The following C17orf78 variants were observed in gnomAD, a reference collection of about 807,000 sequenced individuals.
The protein encoded by C17orf78 is chromosome 17 open reading frame 78.
In C17orf78, 27 loss-of-function variants were observed where a neutral mutation model predicts 31.8. The ratio of observed to expected loss-of-function variants is 0.85; its 90% CI spans 0.63 to 1.17. The LOEUF (loss-of-function observed/expected upper bound fraction) is 1.17. Among genes scored for constraint, C17orf78 ranks in the 50% most tolerant of loss-of-function variants. C17orf78 has a pLI of 0.00. For missense variants in C17orf78, 258 were observed against 315.2 expected, an observed-to-expected ratio of 0.82 and a Z score of 1.37; for synonymous variants, 106 against 115.1, an observed-to-expected ratio of 0.92 and a Z score of 0.51.
At chr17:37,389,183 T>C (rs1402835998) in intron 5 of C17orf78, 63 bp from the exon 6 acceptor site, 4 of 1,530,168 alleles carry the variant, frequency 2.6e-6, no homozygotes, top group Admixed American at 4.2e-5. Flanking sequence ...AACAAGAGGT[T>C]TGGAAGAAAA....
chr17:37,390,330 A>ATATATATATCTATATCTATATATC (rs1386032855), intron 6 of C17orf78, among the ~76,000 whole-genome samples: 4 of 41,584 alleles, frequency 9.6e-5, no homozygotes, highest in African/African-American at 5.1e-4. Flanking sequence ...ATATATATAT[A>ATATATATATCTATATCTATATATC]TATAAAAGGC....
At position 37,379,337 on chromosome 17, in the gene C17orf78, AT is replaced by A. The variant is rs771193079; in HGVS notation, c.347del (p.Ile116ThrfsTer12). ...NSSASSSCHLIPTSKFQTGSL... is the reference protein window; with the variant it reads ...NSSASSSCHLXPTSKFQTGSL... ...CTCTGCCTCCTCAAGCTGTCACCTA[AT>A]CCCCACATCCAAGTTTCAGACTGGA... On this transcript the variant is annotated frameshift_variant, in exon 3 of 7. Coordinates refer to ENST00000615133, the MANE Select transcript of C17orf78 (RefSeq NM_173625.5). LOFTEE classifies it high-confidence loss of function. The A allele has an allele frequency of 4.1e-5, 66 of 1,613,814 alleles. No individual in the cohort carries two copies. The highest frequency in any genetic ancestry group is 5.6e-5 in the Non-Finnish European group (66 of 1,179,874).
intron 3 of C17orf78, among the ~76,000 whole-genome samples, chr17:37,382,773 T>C (rs903191402): frequency 5.3e-5 from 8 of 152,076 alleles, no homozygotes; most frequent in Admixed American, 5.2e-4. Context: ...GACAGAAGAA[T>C]AGCTTGAACC....
chr17:37,377,059 C>T (rs927899559), intron 1 of C17orf78, among the ~76,000 whole-genome samples: 18 of 152,282 alleles, frequency 1.2e-4, no homozygotes, highest in African/African-American at 4.1e-4. Flanking sequence ...AAAAATGTCA[C>T]AACCCTTTGA....
At chr17:37,390,175 T>TATATATATATATATATAC (rs60788220) in intron 6 of C17orf78, among the ~76,000 whole-genome samples, 1 of 44,506 alleles carries the variant, frequency 2.2e-5, no homozygotes, top group African/African-American at 1.2e-4. Flanking sequence ...TATATATATA[T>TATATATATATATATATAC]ACACACACAC....
intron 6 of C17orf78, among the ~76,000 whole-genome samples, chr17:37,390,330 A>ATACATATATATATATATATATC (rs2050815584): frequency 2.4e-5 from 1 of 41,592 alleles, no homozygotes; most frequent in Non-Finnish European, 3.7e-5. Flanking sequence ...ATATATATAT[A>ATACATATATATATATATATATC]TATAAAAGGC....
chr17:37,389,747 G>T lies in C17orf78; in HGVS notation c.750+385G>T, dbSNP rs948488189. Among the ~76,000 whole-genome samples the T allele has an allele frequency of 4.6e-5, 7 of 151,836 alleles. No individual in the cohort carries two copies. The East Asian group carries it at 1.4e-3, about 29-fold the overall frequency. On this transcript the variant is annotated intron_variant, in intron 6 of 6. Transcript: ENST00000615133. ...TGGGGTTAATATATAAGTGCTAGGA[G>T]ATTCGTCCCTAAGAGGACTGTGAAA... is the stretch of plus-strand genomic sequence containing the variant.
intron 4 of C17orf78, 45 bp from the exon 5 acceptor site, chr17:37,388,625 C>T: frequency 6.3e-7 from 1 of 1,584,926 alleles, no homozygotes; most frequent in Non-Finnish European, 8.6e-7. Context: ...TCTTTCCTCT[C>T]TCAAATTTTC....
chr17:37,376,814 G>C (rs906336794), intron 1 of C17orf78, among the ~76,000 whole-genome samples: 6 of 152,052 alleles, frequency 3.9e-5, no homozygotes, highest in Admixed American at 2.6e-4. Context: ...AATTAGCCAG[G>C]CATGGTGGCA....
rs200931323 is a variant in C17orf78 at position 37,384,440 on chromosome 17, TATC to T, written c.392-1566_392-1564del. Reference sequence around the variant, plus strand: ...CTTTTTCCCCCTCTTTCAATCATAATATCATTCAGTTTGCAAAGTGTTTACACA... The same window carrying T: ...CTTTTTCCCCCTCTTTCAATCATAATATTCAGTTTGCAAAGTGTTTACACA... On this transcript the variant is annotated intron_variant, in intron 3 of 6. Coordinates refer to ENST00000615133, the MANE Select transcript of C17orf78 (RefSeq NM_173625.5). 3.0e-4 allele frequency among the ~76,000 whole-genome samples: 46 copies of T among 152,348 alleles called. No homozygotes were observed. In the East Asian group the frequency reaches 8.3e-3, roughly 27 times the overall value.
At position 37,376,003 on chromosome 17, in the gene C17orf78, C is replaced by T. The variant is rs750011794; in HGVS notation, c.-90C>T. ...TCAGGGTCAAACTTGGTTCCAGCTG[C>T]GTGTGGTGAAAGCAACTAGAGGCAG... On this transcript the variant is annotated 5_prime_UTR_variant, in exon 1 of 7. Coordinates refer to ENST00000615133, the MANE Select transcript of C17orf78 (RefSeq NM_173625.5). The T allele has an allele frequency of 1.3e-4, 141 of 1,114,466 alleles. No individual in the cohort carries two copies. Among genetic ancestry groups the T allele is most frequent in the Non-Finnish European group, 1.8e-4 (130 of 738,602 alleles). The allele number at this position is 1,114,466 out of a possible 1,614,324, so 69.0% of individuals were successfully genotyped here. A position where few individuals can be genotyped will look rare whatever the true frequency, so the allele number is the denominator to read the frequency against.
Position 37,392,000 on chromosome 17 carries a change from A to G in C17orf78, c.*276A>G, listed in dbSNP as rs149824270. ...ACAAAAAGTATTCCCTGCAAGCACTATGAATGGACCTTACTACTCTCTTTG... is the reference window on the plus strand; with the variant it reads ...ACAAAAAGTATTCCCTGCAAGCACTGTGAATGGACCTTACTACTCTCTTTG... On this transcript the variant is annotated 3_prime_UTR_variant, in exon 7 of 7. Coordinates refer to ENST00000615133, the MANE Select transcript of C17orf78 (RefSeq NM_173625.5). 3.6e-3 allele frequency: 1,619 copies of G among 455,030 alleles called. 13 individuals carry two copies. The highest frequency in any genetic ancestry group is 0.014 in the Middle Eastern group (24 of 1,686). The allele number at this position is 455,030 out of a possible 1,614,324, so 28.2% of individuals were successfully genotyped here.
At position 37,390,175 on chromosome 17, in the gene C17orf78, T is replaced by TATATAC. The variant is rs60788220; in HGVS notation, c.750+814_750+815insTATACA. On this transcript the variant is annotated intron_variant, in intron 6 of 6. Coordinates refer to ENST00000615133, the MANE Select transcript of C17orf78 (RefSeq NM_173625.5). ...ATATATATATATATATATATATATA[T>TATATAC]ACACACACACATTATATATAAATAT... Among the ~76,000 whole-genome samples, 103 of 44,478 alleles carry TATATAC rather than the reference T, an allele frequency of 2.3e-3. 1 individual carries two copies. Among genetic ancestry groups the TATATAC allele is most frequent in the African/African-American group, 3.0e-3 (26 of 8,574 alleles). The allele number at this position is 44,478 out of a possible 152,430, so 29.2% of individuals were successfully genotyped here.
At position 37,391,813 on chromosome 17, in the gene C17orf78, A is replaced by G. The variant is rs1315778189; in HGVS notation, c.*89A>G. On this transcript the variant is annotated 3_prime_UTR_variant, in exon 7 of 7. Coordinates refer to ENST00000615133, the MANE Select transcript of C17orf78 (RefSeq NM_173625.5). ...ACATTCTTGCCAATTTCACACTTGTATCTTCAGCAGGGACATTACAATCAA... is the reference window on the plus strand; with the variant it reads ...ACATTCTTGCCAATTTCACACTTGTGTCTTCAGCAGGGACATTACAATCAA... 1 of 1,156,904 alleles carries G rather than the reference A, an allele frequency of 8.6e-7. No homozygotes were observed. Among genetic ancestry groups the G allele is most frequent in the South Asian group, 1.2e-5 (1 of 80,748 alleles). 71.7% of individuals were successfully genotyped at this position (1,156,904 alleles called of 1,614,324 possible).
intron 2 of C17orf78, among the ~76,000 whole-genome samples, 153 bp from the exon 3 acceptor site, chr17:37,378,984 G>T (rs2050126727): frequency 6.6e-6 from 1 of 152,078 alleles, no homozygotes; most frequent in African/African-American, 2.4e-5. Flanking sequence ...TGGGAGGATT[G>T]CTTGGAGATC....
chr17:37,384,036 C>G lies in C17orf78; in HGVS notation c.392-1973C>G, dbSNP rs909167093. 2.6e-5 allele frequency among the ~76,000 whole-genome samples: 4 copies of G among 152,084 alleles called. No individual in the cohort carries two copies. In the East Asian group the frequency reaches 7.7e-4, roughly 29 times the overall value. Reference sequence around the variant, plus strand: ...ATCCCAGCACTTTGGGAGCCCGAGGCGGGCAGAACATGAGGTCAGGAATTC... The same window carrying G: ...ATCCCAGCACTTTGGGAGCCCGAGGGGGGCAGAACATGAGGTCAGGAATTC... On this transcript the variant is annotated intron_variant, in intron 3 of 6. Coordinates refer to ENST00000615133, the MANE Select transcript of C17orf78 (RefSeq NM_173625.5).
At chr17:37,380,604 G>A (rs1020476031) in intron 3 of C17orf78, among the ~76,000 whole-genome samples, 8 of 150,020 alleles carry the variant, frequency 5.3e-5, no homozygotes, top group African/African-American at 9.8e-5. Context: ...CTTTTTTTTT[G>A]TTTTTGTTTT....
chr17:37,386,945 GT>G (rs1255493793), intron 4 of C17orf78: 1 of 152,264 alleles, frequency 6.6e-6, no homozygotes, highest in Non-Finnish European at 1.5e-5. Context: ...AGCCTCCTGA[GT>G]AGCTGGGACT....
chr17:37,390,247 T>TATATATTATATATAATTATATATA (rs1391766786), intron 6 of C17orf78, among the ~76,000 whole-genome samples: 35 of 36,222 alleles, frequency 9.7e-4, no homozygotes, highest in African/African-American at 5.9e-3. Flanking sequence ...ATATATTATA[T>TATATATTATATATAATTATATATA]ATATATTATA....
Sources: allele counts gnomAD v4.1 joint callset (sites outside exome capture counted in the v4.1 genomes callset), GRCh38; gene constraint gnomAD v4.1.1; transcripts MANE v1.5; gene names NCBI Gene and HGNC (gene_info 2026-07-23, HGNC 2026-07-21).